GABRG3: variants seen among roughly 807,000 people sequenced by gnomAD.
GABRG3 encodes the protein gamma-aminobutyric acid receptor subunit gamma-3.
A neutral mutation model predicts 48.8 loss-of-function variants in GABRG3; 25 were observed. That is an observed-to-expected ratio of 0.51 (90% CI 0.37 to 0.72). The LOEUF is 0.72. GABRG3 is among the 30% of genes least tolerant of loss of function. The pLI is 0.00. For synonymous variants in GABRG3, 227 were observed against 217.6 expected (o/e 1.04, Z -0.38); for missense variants, 394 against 577.9 (o/e 0.68, Z 3.26).
intron 3 of GABRG3, among the ~76,000 whole-genome samples, chr15:27,069,573 T>C (rs1896793902): frequency 6.6e-6 from 1 of 152,238 alleles, no homozygotes; most frequent in African/African-American, 2.4e-5. Flanking sequence ...AGTGTGTTTA[T>C]GTGTAAATAT....
chr15:27,527,299 A>G (rs1277107336), intron 7 of GABRG3, 134 bp from the exon 8 acceptor site: 2 of 638,948 alleles, frequency 3.1e-6, no homozygotes, highest in Admixed American at 3.0e-5. Context: ...AATTCAAAGT[A>G]ACATTACATG....
chr15:27,036,975 A>C (rs543550628), intron 3 of GABRG3, among the ~76,000 whole-genome samples: 2 of 152,284 alleles, frequency 1.3e-5, no homozygotes, highest in African/African-American at 4.8e-5. Flanking sequence ...TGATGTCCTT[A>C]TGAAGAAGGG....
intron 3 of GABRG3, among the ~76,000 whole-genome samples, chr15:27,204,255 C>A (rs1367240995): frequency 2.0e-5 from 3 of 152,046 alleles, no homozygotes; most frequent in Admixed American, 1.3e-4. Context: ...CAGTTTCAAT[C>A]TTCTGCATGT....
At chr15:27,441,778 C>A (rs906905155) in intron 5 of GABRG3, among the ~76,000 whole-genome samples, 18 of 152,128 alleles carry the variant, frequency 1.2e-4, no homozygotes, top group Non-Finnish European at 2.5e-4. Context: ...GGCATGCCCA[C>A]ACAGTCTACG....
chr15:27,491,441 T>C (rs2150849523), intron 6 of GABRG3, among the ~76,000 whole-genome samples: 1 of 152,318 alleles, frequency 6.6e-6, no homozygotes, highest in Non-Finnish European at 1.5e-5. Context: ...TTTACATCTT[T>C]CTTCCTGTCC....
At chr15:27,460,378 G>A (rs1427044905) in intron 5 of GABRG3, among the ~76,000 whole-genome samples, 1 of 152,154 alleles carries the variant, frequency 6.6e-6, no homozygotes, top group African/African-American at 2.4e-5. Context: ...GTGCACTGAG[G>A]CCAAACACAA....
At chr15:27,197,201 T>C (rs1015408904) in intron 3 of GABRG3, among the ~76,000 whole-genome samples, 7 of 152,180 alleles carry the variant, frequency 4.6e-5, no homozygotes, top group Admixed American at 2.6e-4. Context: ...TTTGGACTTA[T>C]GATGGATTTA....
At chr15:27,394,962 T>G (rs1167212914) in intron 5 of GABRG3, among the ~76,000 whole-genome samples, 2 of 152,152 alleles carry the variant, frequency 1.3e-5, no homozygotes, top group African/African-American at 4.8e-5. Flanking sequence ...TATTTGGAAT[T>G]TGTCAGGCCT....
At chr15:27,031,390 C>T (rs1212833229) in intron 3 of GABRG3, among the ~76,000 whole-genome samples, 1 of 152,152 alleles carries the variant, frequency 6.6e-6, no homozygotes, top group Non-Finnish European at 1.5e-5. Flanking sequence ...TTGCTTTTTC[C>T]TAAGTGTCAC....
intron 5 of GABRG3, among the ~76,000 whole-genome samples, chr15:27,351,139 A>G (rs1472322450): frequency 1.7e-5 from 2 of 115,134 alleles, no homozygotes; most frequent in Non-Finnish European, 3.5e-5. Flanking sequence ...GTGTTTGAGT[A>G]TGGTGTGTGT....
intron 3 of GABRG3, among the ~76,000 whole-genome samples, chr15:27,083,032 G>T (rs1315580816): frequency 6.6e-6 from 1 of 152,190 alleles, no homozygotes; most frequent in East Asian, 1.9e-4. Context: ...AGTGCAGCTT[G>T]TTTCATCATT....
rs141228712 is a variant in GABRG3, at chr15:27,453,663, G to A, written c.575-26987G>A. 7.0e-3 allele frequency among the ~76,000 whole-genome samples: 1,071 copies of A among 152,210 alleles called. 10 individuals carry two copies. Among genetic ancestry groups the A allele is most frequent in the African/African-American group, 0.024 (997 of 41,540 alleles). ...GTCACCTAGGCTGGAGTGCAATGGC[G>A]CAATCTTGGCTCACTGCAACCTCCA... is the stretch of plus-strand genomic sequence containing the variant. On this transcript the variant is annotated intron_variant, in intron 5 of 9. Transcript: ENST00000615808.
At chr15:27,045,333 C>T (rs913585034) in intron 3 of GABRG3, among the ~76,000 whole-genome samples, 22 of 152,162 alleles carry the variant, frequency 1.4e-4, no homozygotes, top group African/African-American at 5.1e-4. Flanking sequence ...CAGCACACCC[C>T]GAAACTCACA....
chr15:27,266,621 G>A (rs1333024833), intron 3 of GABRG3, among the ~76,000 whole-genome samples: 1 of 152,096 alleles, frequency 6.6e-6, no homozygotes, highest in Non-Finnish European at 1.5e-5. Flanking sequence ...CTATCATTTG[G>A]GAGAATTAGC....
chr15:27,490,387 C>T (rs533751690), intron 6 of GABRG3, among the ~76,000 whole-genome samples: 1 of 152,250 alleles, frequency 6.6e-6, no homozygotes, highest in African/African-American at 2.4e-5. Flanking sequence ...GGAATTGATT[C>T]CTTAGGAGTC....
intron 5 of GABRG3, among the ~76,000 whole-genome samples, chr15:27,462,656 A>G (rs962109558): frequency 3.3e-5 from 5 of 152,188 alleles, no homozygotes; most frequent in Non-Finnish European, 5.9e-5. Flanking sequence ...ATCACTTGAT[A>G]TAGAGGGTTT....
intron 7 of GABRG3, among the ~76,000 whole-genome samples, chr15:27,523,311 AT>A (rs1891200434): frequency 6.6e-6 from 1 of 150,986 alleles, no homozygotes; most frequent in Admixed American, 6.6e-5. Flanking sequence ...AAATAAATAC[AT>A]TTTTACAATG....
At chr15:27,420,254 ATCTC>A in intron 5 of GABRG3, among the ~76,000 whole-genome samples, 1 of 152,364 alleles carries the variant, frequency 6.6e-6, no homozygotes, top group African/African-American at 2.4e-5. Flanking sequence ...AATAATATAA[ATCTC>A]ACTAAGAAAA....
At chr15:27,003,183 A>C (rs1159139961) in intron 2 of GABRG3, among the ~76,000 whole-genome samples, 1 of 146,416 alleles carries the variant, frequency 6.8e-6, no homozygotes, top group Non-Finnish European at 1.5e-5. Context: ...ATTTTTTTTA[A>C]TTTTGTATTT....
Sources: allele counts gnomAD v4.1 joint callset (sites outside exome capture counted in the v4.1 genomes callset), GRCh38; gene constraint gnomAD v4.1.1; transcripts MANE v1.5; gene names NCBI Gene and HGNC (gene_info 2026-07-23, HGNC 2026-07-21).